The following GNB1 variants were observed in gnomAD, a reference collection of about 807,000 sequenced individuals.
GNB1 encodes G protein subunit beta 1, also known as guanine nucleotide-binding protein G(I)/G(S)/G(T) subunit beta-1.
A neutral mutation model predicts 42.9 loss-of-function variants in GNB1; 2 were observed. The observed-to-expected ratio is 0.05, with a 90% CI of 0.02 to 0.15. The LOEUF is 0.15. GNB1 is among the 10% of genes least tolerant of loss of function. GNB1 has a pLI of 1.00. For synonymous variants in GNB1, 183 were observed against 174.7 expected (o/e 1.05, Z -0.38); for missense variants, 193 against 462.2 (o/e 0.42, Z 5.34).
chr1:1,823,338 C>G (rs1051545754), intron 3 of GNB1, among the ~76,000 whole-genome samples: 1 of 151,874 alleles, frequency 6.6e-6, no homozygotes, highest in Non-Finnish European at 1.5e-5. Flanking sequence ...CTGAACCCCC[C>G]CAAAAACCCA....
intron 1 of GNB1, among the ~76,000 whole-genome samples, chr1:1,844,358 TC>T (rs1183761601): frequency 4.7e-5 from 7 of 149,520 alleles, no homozygotes; most frequent in African/African-American, 1.7e-4. Flanking sequence ...ATCACTGCAC[TC>T]CAGCCTCGAT....
chr1:1,807,859 C>T (rs1646723127), intron 5 of GNB1, among the ~76,000 whole-genome samples: 1 of 152,042 alleles, frequency 6.6e-6, no homozygotes, highest in South Asian at 2.1e-4. Context: ...AGGCGCCCAC[C>T]ATCACGCCCA....
chr1:1,805,277 T>C (rs1487133937), intron 6 of GNB1, among the ~76,000 whole-genome samples: 4 of 151,928 alleles, frequency 2.6e-5, no homozygotes, highest in South Asian at 4.2e-4. Context: ...TGGCCTCAAA[T>C]TGGTGAAACC....
chr1:1,855,262 A>G (rs1007198712), intron 1 of GNB1, among the ~76,000 whole-genome samples: 1 of 149,604 alleles, frequency 6.7e-6, no homozygotes, highest in Non-Finnish European at 1.5e-5. Context: ...TGGAAGCTGC[A>G]GTGAGCTGAG....
intron 1 of GNB1, among the ~76,000 whole-genome samples, chr1:1,861,329 T>A (rs910807600): frequency 6.6e-6 from 1 of 151,898 alleles, no homozygotes; most frequent in African/African-American, 2.4e-5. Context: ...TAACTGGACA[T>A]GGTGGTGCAC....
intron 1 of GNB1, among the ~76,000 whole-genome samples, chr1:1,887,761 G>A (rs1650236734): frequency 6.6e-6 from 1 of 152,020 alleles, no homozygotes; most frequent in African/African-American, 2.4e-5. Context: ...GATTACAGGC[G>A]CCCACCACCA....
intron 1 of GNB1, among the ~76,000 whole-genome samples, chr1:1,875,375 C>T (rs1570749707): frequency 1.3e-5 from 2 of 151,984 alleles, no homozygotes; most frequent in African/African-American, 4.8e-5. Flanking sequence ...GTGTTTTTAG[C>T]AGAGACGGGG....
chr1:1,793,470 G>C, intron 7 of GNB1, 159 bp from the exon 8 acceptor site: 1 of 545,346 alleles, frequency 1.8e-6, no homozygotes, highest in Non-Finnish European at 3.5e-6. Context: ...CACAGCAGAA[G>C]GTCCACACGC....
At chr1:1,883,545 T>C (rs1030023289) in intron 1 of GNB1, among the ~76,000 whole-genome samples, 2 of 152,230 alleles carry the variant, frequency 1.3e-5, no homozygotes, top group African/African-American at 2.4e-5. Context: ...AAATAGCTAA[T>C]CCTTGCACTG....
Position 1,804,409 on chromosome 1 carries a change from G to A in GNB1, c.430+10C>T. On this transcript the variant is annotated intron_variant, in intron 7 of 11. Coordinates refer to ENST00000378609, the MANE Select transcript of GNB1 (RefSeq NM_002074.5). ...TGTGTCACTTGAAGCTTATGAACAA[G>A]GACAGGTACCTGTGTGTCCTGCCAG... 6.2e-7 allele frequency: 1 copy of A among 1,606,924 alleles called. No homozygotes were observed. The highest frequency in any genetic ancestry group is 2.2e-5 in the East Asian group (1 of 44,828).
At chr1:1,846,569 A>C (rs1570707370) in intron 1 of GNB1, among the ~76,000 whole-genome samples, 1 of 149,042 alleles carries the variant, frequency 6.7e-6, no homozygotes, top group East Asian at 1.9e-4. Flanking sequence ...TCCATCTCAA[A>C]ATCAATCAAT....
chr1:1,877,162 T>C (rs1173345411), intron 1 of GNB1, among the ~76,000 whole-genome samples: 1 of 151,670 alleles, frequency 6.6e-6, no homozygotes, highest in African/African-American at 2.4e-5. Flanking sequence ...TAGCCAGGCA[T>C]GGTGGTGTAT....
chr1:1,833,546 T>C (rs1330805878), intron 2 of GNB1, among the ~76,000 whole-genome samples: 1 of 152,142 alleles, frequency 6.6e-6, no homozygotes, highest in Non-Finnish European at 1.5e-5. Flanking sequence ...CAACAGGCAC[T>C]GTAGAGCCTC....
At position 1,882,263 on chromosome 1, in the gene GNB1, T is replaced by C. The variant is rs145795340; in HGVS notation, c.-96+8557A>G. Among the ~76,000 whole-genome samples the C allele has an allele frequency of 7.2e-5, 11 of 151,752 alleles. No individual in the cohort carries two copies. The East Asian group carries it at 2.1e-3, about 30-fold the overall frequency. On this transcript the variant is annotated intron_variant, in intron 1 of 11. Transcript: ENST00000378609. ...CAACAAGGTGAAACACCATCTCTAC[T>C]AAGATACAAAAAACATTAGCTAGGC...
At chr1:1,867,445 G>A (rs1030408565) in intron 1 of GNB1, among the ~76,000 whole-genome samples, 1 of 152,144 alleles carries the variant, frequency 6.6e-6, no homozygotes, top group African/African-American at 2.4e-5. Context: ...CCCTCATGGA[G>A]CTTATATTTT....
chr1:1,811,089 T>A (rs1646771551), intron 5 of GNB1, among the ~76,000 whole-genome samples: 1 of 146,826 alleles, frequency 6.8e-6, no homozygotes, highest in South Asian at 2.1e-4. Context: ...ATATTTTTTT[T>A]TTTTTTCTTT....
At chr1:1,792,834 G>A (rs1282161789) in intron 8 of GNB1, among the ~76,000 whole-genome samples, 4 of 152,128 alleles carry the variant, frequency 2.6e-5, no homozygotes, top group African/African-American at 7.2e-5. Flanking sequence ...GGGAGGCCGA[G>A]GTGGGCAGGT....
chr1:1,789,057 C>A lies in GNB1; in HGVS notation c.912G>T (p.Arg304=), dbSNP rs1646445433. The A allele has an allele frequency of 1.9e-6, 3 of 1,612,606 alleles. No individual in the cohort carries two copies. Among genetic ancestry groups the A allele is most frequent in the Non-Finnish European group, 2.5e-6 (3 of 1,178,740 alleles). The change falls in exon 10 of 12, where the codon CGG becomes CGT. Residue 304 remains arginine, a synonymous_variant. Transcript: ENST00000378609. ...CNVWDALKAD[R]AGVLAGHDNR... is the part of the protein sequence containing the mutation. Reference sequence around the variant, plus strand: ...AAAGGCCCCATGGCCACGTACCTGCCCGGTCGGCTTTGAGTGCATCCCAGA... The same window carrying A: ...AAAGGCCCCATGGCCACGTACCTGCACGGTCGGCTTTGAGTGCATCCCAGA...
intron 7 of GNB1, among the ~76,000 whole-genome samples, chr1:1,796,311 C>A (rs983572202): frequency 1.3e-5 from 2 of 152,144 alleles, no homozygotes; most frequent in Non-Finnish European, 2.9e-5. Context: ...CAGGTCTAAC[C>A]CCTTCTTCCA....
Sources: gnomAD v4.1 joint callset for allele counts (sites outside exome capture counted in the v4.1 genomes callset) on GRCh38, gnomAD v4.1.1 for gene constraint, MANE v1.5 for transcripts, NCBI Gene and HGNC (gene_info 2026-07-23, HGNC 2026-07-21) for gene names.